Variants in MAP3K7CL observed in about 807,000 individuals in gnomAD.
The protein encoded by MAP3K7CL is MAP3K7 C-terminal-like protein.
Under a neutral mutation model 18.6 loss-of-function variants are expected in MAP3K7CL, and 16 were observed. The ratio of observed to expected loss-of-function variants is 0.86; its 90% CI spans 0.58 to 1.31. The LOEUF (loss-of-function observed/expected upper bound fraction) is 1.31. Ranked by LOEUF, MAP3K7CL falls within the 50% of genes most tolerant of loss-of-function variation. MAP3K7CL has a pLI of 0.00. For missense variants in MAP3K7CL, 163 were observed against 174.4 expected, an observed-to-expected ratio of 0.93 and a Z score of 0.37; for synonymous variants, 65 against 66.8, an observed-to-expected ratio of 0.97 and a Z score of 0.13.
At chr21:29,117,820 G>A (rs1308165347) in intron 4 of MAP3K7CL, among the ~76,000 whole-genome samples, 1 of 152,158 alleles carries the variant, frequency 6.6e-6, no homozygotes, top group Non-Finnish European at 1.5e-5. Flanking sequence ...CCAAATATCC[G>A]ATGACTAAAT....
chr21:29,162,408 G>A (rs762773092), intron 4 of MAP3K7CL, among the ~76,000 whole-genome samples: 6 of 151,356 alleles, frequency 4.0e-5, no homozygotes, highest in Non-Finnish European at 7.4e-5. Flanking sequence ...GGGGCCAGAC[G>A]CAGTGTCTCA....
rs186180682 is a variant in MAP3K7CL, at chr21:29,133,236, C to T, written c.-39-70C>T. 5.1e-4 allele frequency: 595 copies of T among 1,174,452 alleles called. 1 individual carries two copies. In the African/African-American group the frequency reaches 7.9e-3, roughly 16 times the overall value. 72.8% of individuals were successfully genotyped at this position (1,174,452 alleles called of 1,614,324 possible). A position where few individuals can be genotyped will look rare whatever the true frequency, so the allele number is the denominator to read the frequency against. On this transcript the variant is annotated intron_variant, in intron 1 of 4. Transcript: ENST00000399928. Reference sequence around the variant, plus strand: ...ACCTTAATAACTTCACCTGTAATTTCCAAGGGCCTCTGAGTATTTAGGGGG... The same window carrying T: ...ACCTTAATAACTTCACCTGTAATTTTCAAGGGCCTCTGAGTATTTAGGGGG...
chr21:29,159,123 G>A (rs2087479164), intron 3 of MAP3K7CL, among the ~76,000 whole-genome samples: 1 of 152,068 alleles, frequency 6.6e-6, no homozygotes, highest in African/African-American at 2.4e-5. Flanking sequence ...TTTTCATCAC[G>A]TTGACCAGGC....
chr21:29,112,912 G>A (rs756854610), intron 4 of MAP3K7CL, among the ~76,000 whole-genome samples: 2 of 151,428 alleles, frequency 1.3e-5, no homozygotes, highest in Non-Finnish European at 2.9e-5. Context: ...GGGTTCAAGC[G>A]ATTCTCCTGT....
chr21:29,149,872 G>A (rs1008134762), intron 3 of MAP3K7CL, among the ~76,000 whole-genome samples: 17 of 152,118 alleles, frequency 1.1e-4, no homozygotes, highest in African/African-American at 4.1e-4. Context: ...ATTATCCATG[G>A]TGATTCCAGG....
chr21:29,085,748 G>A (rs1041162071), upstream of MAP3K7CL: 2 of 999,496 alleles, frequency 2.0e-6, no homozygotes, highest in South Asian at 2.7e-5. Context: ...GGCATGGTTA[G>A]TATGTTGTTT....
chr21:29,167,693 ATTTTTT>A (rs35549023), intron 4 of MAP3K7CL, among the ~76,000 whole-genome samples: 1 of 107,520 alleles, frequency 9.3e-6, no homozygotes, highest in Non-Finnish European at 1.8e-5. Flanking sequence ...AGAAGGACCA[ATTTTTT>A]TTTTTTTTTT....
intron 4 of MAP3K7CL, among the ~76,000 whole-genome samples, chr21:29,119,375 A>G (rs116281428): frequency 0.011 from 1,666 of 152,262 alleles, 27 homozygotes; most frequent in African/African-American, 0.038. Flanking sequence ...CCTTCTGCCA[A>G]TTGCCTAAAT....
intron 4 of MAP3K7CL, among the ~76,000 whole-genome samples, chr21:29,115,301 A>T (rs1270357967): frequency 6.6e-6 from 1 of 152,186 alleles, no homozygotes; most frequent in Admixed American, 6.5e-5. Flanking sequence ...CTCACCTTTC[A>T]TTTAGCTAAG....
chr21:29,124,784 A>G (rs2086655901), intron 4 of MAP3K7CL, among the ~76,000 whole-genome samples: 1 of 152,252 alleles, frequency 6.6e-6, no homozygotes, highest in Admixed American at 6.5e-5. Context: ...TTTTACTGGA[A>G]TACAGCTATA....
chr21:29,100,895 G>A (rs1196946165), intron 4 of MAP3K7CL, among the ~76,000 whole-genome samples: 1 of 151,678 alleles, frequency 6.6e-6, no homozygotes, highest in Non-Finnish European at 1.5e-5. Context: ...TGTATTTTTA[G>A]TAGAGACAGG....
At chr21:29,170,156 A>T (rs1245335420) in intron 4 of MAP3K7CL, among the ~76,000 whole-genome samples, 2 of 152,248 alleles carry the variant, frequency 1.3e-5, no homozygotes, top group Non-Finnish European at 2.9e-5. Flanking sequence ...TTGCTAATGG[A>T]TGAGCATAAA....
At chr21:29,086,050 C>A in intron 1 of MAP3K7CL, 1 of 959,658 alleles carries the variant, frequency 1.0e-6, no homozygotes, top group Non-Finnish European at 1.6e-6. Flanking sequence ...CTAACCATTA[C>A]TGTTGGCAAT....
intron 2 of MAP3K7CL, among the ~76,000 whole-genome samples, chr21:29,145,012 TAA>T (rs2087095479): frequency 6.6e-6 from 1 of 152,228 alleles, no homozygotes; most frequent in East Asian, 1.9e-4. Context: ...TCTGTTTATA[TAA>T]AAAATTTTCC....
At chr21:29,162,960 A>C (rs1311582355) in intron 4 of MAP3K7CL, among the ~76,000 whole-genome samples, 1 of 152,102 alleles carries the variant, frequency 6.6e-6, no homozygotes, top group East Asian at 1.9e-4. Flanking sequence ...CAAAAAAATT[A>C]GTCGGGTGTG....
intron 4 of MAP3K7CL, chr21:29,109,033 C>A: frequency 6.5e-7 from 1 of 1,527,732 alleles, no homozygotes; most frequent in Non-Finnish European, 8.8e-7. Flanking sequence ...ATTCTACTTC[C>A]TACTAGGTTG....
chr21:29,086,752 A>T (rs1278469052), intron 1 of MAP3K7CL, among the ~76,000 whole-genome samples: 1 of 152,182 alleles, frequency 6.6e-6, no homozygotes, highest in Admixed American at 6.5e-5. Context: ...TTCTTCATTA[A>T]TCTTGCAATA....
chr21:29,114,666 C>T (rs1429407469), intron 4 of MAP3K7CL, among the ~76,000 whole-genome samples: 2 of 152,208 alleles, frequency 1.3e-5, no homozygotes, highest in African/African-American at 2.4e-5. Context: ...GCTGGGATTA[C>T]AGGCATGAGC....
At chr21:29,084,931 A>G (rs1265851734), upstream of MAP3K7CL, 1 of 152,240 alleles carries the variant, frequency 6.6e-6, no homozygotes, top group East Asian at 1.9e-4. Flanking sequence ...AAGAAGTAGA[A>G]GAGAATATGT....
Sources: gnomAD v4.1 joint callset for allele counts (sites outside exome capture counted in the v4.1 genomes callset) on GRCh38, gnomAD v4.1.1 for gene constraint, MANE v1.5 for transcripts, NCBI Gene and HGNC (gene_info 2026-07-23, HGNC 2026-07-21) for gene names.